Variants in DTNB observed in about 807,000 individuals in gnomAD.
The protein encoded by DTNB is DTN-B.
DTNB carries 63 observed loss-of-function variants against 90.7 expected under a neutral mutation model. That is an observed-to-expected ratio of 0.69 (90% CI 0.57 to 0.86). DTNB has a LOEUF of 0.86. Ranked by LOEUF, DTNB falls within the 40% of genes least tolerant of loss-of-function variation. The pLI, the probability that DTNB is intolerant of heterozygous loss-of-function variation, is 0.00. For missense variants in DTNB, 744 were observed against 807.1 expected (o/e 0.92, Z 0.95); for synonymous variants, 277 against 286.7 (o/e 0.97, Z 0.34).
chr2:25,378,449 G>C (rs906236303), intron 20 of DTNB, among the ~76,000 whole-genome samples: 2 of 152,216 alleles, frequency 1.3e-5, no homozygotes, highest in Non-Finnish European at 2.9e-5. Context: ...TGGGCAGAGA[G>C]GGCCAGAGGC....
intron 10 of DTNB, among the ~76,000 whole-genome samples, chr2:25,468,130 G>C (rs775466271): frequency 2.0e-5 from 3 of 152,094 alleles, no homozygotes; most frequent in Non-Finnish European, 4.4e-5. Context: ...GAACTAAAGT[G>C]GCTTACAACC....
intron 1 of DTNB, among the ~76,000 whole-genome samples, chr2:25,653,515 CTTT>C (rs1179518465): frequency 1.1e-4 from 7 of 62,232 alleles, no homozygotes; most frequent in African/African-American, 3.6e-4. Flanking sequence ...TTCTTTCTTT[CTTT>C]TTTTTTTTTT....
chr2:25,607,640 C>T (rs1419753762), intron 4 of DTNB, among the ~76,000 whole-genome samples: 2 of 152,164 alleles, frequency 1.3e-5, no homozygotes, highest in Non-Finnish European at 2.9e-5. Flanking sequence ...ATTAAATCCA[C>T]AGCTGTAGTT....
chr2:25,658,965 G>A (rs1163797112), intron 1 of DTNB, among the ~76,000 whole-genome samples: 1 of 151,794 alleles, frequency 6.6e-6, no homozygotes, highest in South Asian at 2.1e-4. Context: ...TCTCATTATT[G>A]TTGTCCAGGC....
chr2:25,589,541 T>C (rs2148327204), intron 6 of DTNB, among the ~76,000 whole-genome samples: 1 of 151,834 alleles, frequency 6.6e-6, no homozygotes, highest in Non-Finnish European at 1.5e-5. Context: ...CCACCACGCC[T>C]GGCTAATTTT....
intron 3 of DTNB, 147 bp from the exon 4 acceptor site, chr2:25,628,531 T>A (rs1347220968): frequency 5.1e-6 from 4 of 785,188 alleles, no homozygotes; most frequent in Non-Finnish European, 7.9e-6. Flanking sequence ...TGTGGTCAAA[T>A]AAAGAACATC....
intron 1 of DTNB, among the ~76,000 whole-genome samples, chr2:25,662,600 T>G (rs2083408751): frequency 6.7e-6 from 1 of 149,420 alleles, no homozygotes; most frequent in South Asian, 2.1e-4. Context: ...CCTAGGTGCC[T>G]CCTCATCTCA....
At chr2:25,413,636 G>A (rs1219246407) in intron 16 of DTNB, among the ~76,000 whole-genome samples, 2 of 152,090 alleles carry the variant, frequency 1.3e-5, no homozygotes, top group Non-Finnish European at 2.9e-5. Context: ...TCGTGTATAT[G>A]TGCCACATTT....
At chr2:25,574,385 G>T (rs761729673) in intron 8 of DTNB, among the ~76,000 whole-genome samples, 11 of 152,092 alleles carry the variant, frequency 7.2e-5, no homozygotes, top group Non-Finnish European at 1.5e-4. Context: ...TGTAATAAAG[G>T]CAAACAAAAT....
In DTNB at chr2:25,482,919, G is replaced by A. The variant is rs116438487; in HGVS notation, c.1002-46C>T. On this transcript the variant is annotated intron_variant, in intron 9 of 20. Coordinates refer to ENST00000406818, the MANE Select transcript of DTNB (RefSeq NM_021907.5). Reference sequence around the variant, plus strand: ...CTTATATTAATAATGACCAACTAGGGGAAACAAGGGAAACGACGATAAGCA... The same window carrying A: ...CTTATATTAATAATGACCAACTAGGAGAAACAAGGGAAACGACGATAAGCA... 13,535 of 1,530,014 alleles carry A rather than the reference G, an allele frequency of 8.8e-3. 144 individuals are homozygous for A. Among genetic ancestry groups the A allele is most frequent in the South Asian group, 0.04 (3,247 of 81,772 alleles). The allele number at this position is 1,530,014 out of a possible 1,614,324, so 94.8% of individuals were successfully genotyped here. A position where few individuals can be genotyped will look rare whatever the true frequency, so the allele number is the denominator to read the frequency against.
intron 9 of DTNB, among the ~76,000 whole-genome samples, chr2:25,508,336 G>A (rs1467559841): frequency 6.6e-6 from 1 of 152,048 alleles, no homozygotes; most frequent in East Asian, 1.9e-4. Context: ...GTAATTATCT[G>A]TTTCATTTCA....
At chr2:25,595,885 C>G (rs2064500234) in intron 6 of DTNB, among the ~76,000 whole-genome samples, 1 of 140,848 alleles carries the variant, frequency 7.1e-6, no homozygotes, top group Admixed American at 7.1e-5. Context: ...CACCACCCCC[C>G]CACCCCCAGT....
chr2:25,510,432 T>G lies in DTNB; in HGVS notation c.1001+21041A>C, dbSNP rs1283282151. The stretch of plus-strand genomic sequence containing the variant: ...AATTCTTACACAGGCCAGCTTATTT[T>G]TTTCTTACGTGAGTTCAAGTTCCTT... On this transcript the variant is annotated intron_variant, in intron 9 of 20. Transcript: ENST00000406818. Among the ~76,000 whole-genome samples, 6 of 152,206 alleles carry G rather than the reference T, an allele frequency of 3.9e-5. 1 individual carries two copies. Among genetic ancestry groups the G allele is most frequent in the Non-Finnish European group, 8.8e-5 (6 of 68,032 alleles).
chr2:25,526,362 A>AATATAT (rs1273988960), intron 9 of DTNB, among the ~76,000 whole-genome samples: 7 of 99,790 alleles, frequency 7.0e-5, no homozygotes, highest in East Asian at 2.7e-4. Context: ...AATATATATA[A>AATATAT]ATATATATAT....
intron 12 of DTNB, among the ~76,000 whole-genome samples, chr2:25,450,514 CT>C (rs1440016138): frequency 2.0e-5 from 3 of 152,102 alleles, no homozygotes; most frequent in Non-Finnish European, 4.4e-5. Flanking sequence ...TTTTTCAAGA[CT>C]GTTATGGTTA....
At chr2:25,583,986 T>C (rs2061966374) in intron 6 of DTNB, among the ~76,000 whole-genome samples, 1 of 152,162 alleles carries the variant, frequency 6.6e-6, no homozygotes, top group African/African-American at 2.4e-5. Context: ...CAGAGCCATG[T>C]CCAAGCACTC....
chr2:25,415,018 G>C (rs560074358), intron 16 of DTNB, among the ~76,000 whole-genome samples: 4 of 152,218 alleles, frequency 2.6e-5, no homozygotes, highest in Non-Finnish European at 4.4e-5. Context: ...GGGAAAGAGG[G>C]GGGAAGAGAG....
chr2:25,633,987 T>A (rs1319267469), intron 3 of DTNB, among the ~76,000 whole-genome samples: 1 of 150,974 alleles, frequency 6.6e-6, no homozygotes, highest in Non-Finnish European at 1.5e-5. Context: ...AGCCGCCCCG[T>A]CAGAGAAGTG....
chr2:25,496,646 C>T (rs149346256), intron 9 of DTNB, among the ~76,000 whole-genome samples: 9 of 152,068 alleles, frequency 5.9e-5, no homozygotes, highest in Non-Finnish European at 7.4e-5. Context: ...AAGTTCAAGA[C>T]GAGCGTGGCC....
Sources: allele counts gnomAD v4.1 joint callset (sites outside exome capture counted in the v4.1 genomes callset), GRCh38; gene constraint gnomAD v4.1.1; transcripts MANE v1.5; gene names NCBI Gene and HGNC (gene_info 2026-07-23, HGNC 2026-07-21).